CTNND2: variants seen among roughly 807,000 people sequenced by gnomAD.
CTNND2 encodes catenin delta-2.
CTNND2 carries 22 observed loss-of-function variants against 144.4 expected under a neutral mutation model. The observed-to-expected ratio is 0.15, with a 90% confidence interval of 0.11 to 0.22. CTNND2 has a LOEUF of 0.22. Ranked by LOEUF, CTNND2 falls within the 10% of genes least tolerant of loss-of-function variation. The pLI is 1.00. For synonymous variants in CTNND2, 751 were observed against 695.6 expected (o/e 1.08, Z -1.25); for missense variants, 1,353 against 1,618.8 (o/e 0.84, Z 2.82).
At chr5:11,876,959 A>G (rs994398076) in intron 1 of CTNND2, among the ~76,000 whole-genome samples, 3 of 152,136 alleles carry the variant, frequency 2.0e-5, no homozygotes, top group African/African-American at 7.2e-5. Context: ...TTGTAAGTAA[A>G]TATTATCTGC....
intron 12 of CTNND2, 134 bp downstream of exon 12, chr5:11,159,442 C>A: frequency 1.5e-6 from 1 of 665,170 alleles, no homozygotes; most frequent in East Asian, 2.9e-5. Context: ...ACTTCTTATA[C>A]TCCGTTGCCA....
At chr5:11,325,718 A>G (rs892775769) in intron 9 of CTNND2, among the ~76,000 whole-genome samples, 2 of 152,048 alleles carry the variant, frequency 1.3e-5, no homozygotes, top group African/African-American at 4.8e-5. Flanking sequence ...GCTAACCACC[A>G]TTAGGCTTTC....
At chr5:11,861,576 T>A (rs2127026520) in intron 1 of CTNND2, among the ~76,000 whole-genome samples, 1 of 152,346 alleles carries the variant, frequency 6.6e-6, no homozygotes, top group Non-Finnish European at 1.5e-5. Context: ...CATCTTTTGT[T>A]CAGGCCCTCT....
chr5:11,488,635 T>C (rs538315682), intron 3 of CTNND2, among the ~76,000 whole-genome samples: 3 of 152,310 alleles, frequency 2.0e-5, no homozygotes, highest in South Asian at 2.1e-4. Context: ...TATAGATTCA[T>C]GTAACTAGTA....
At chr5:11,677,722 C>T (rs1003862976) in intron 2 of CTNND2, among the ~76,000 whole-genome samples, 9 of 152,016 alleles carry the variant, frequency 5.9e-5, no homozygotes, top group Admixed American at 1.3e-4. Context: ...ATTCAAAAAC[C>T]GTGAAAGGGA....
intron 11 of CTNND2, among the ~76,000 whole-genome samples, chr5:11,177,377 T>C (rs1017890391): frequency 6.6e-6 from 1 of 152,188 alleles, no homozygotes; most frequent in South Asian, 2.1e-4. Context: ...ATCTACAACA[T>C]GGTGATACCT....
chr5:11,725,333 A>T (rs1343193604), intron 2 of CTNND2, among the ~76,000 whole-genome samples: 1 of 152,242 alleles, frequency 6.6e-6, no homozygotes, highest in Non-Finnish European at 1.5e-5. Context: ...AAAATAAGGT[A>T]TAGTTGTTCC....
intron 18 of CTNND2, among the ~76,000 whole-genome samples, chr5:10,997,260 AATGTATGTGTCCATTACTT>A (rs1213101264): frequency 6.6e-6 from 1 of 152,176 alleles, no homozygotes; most frequent in African/African-American, 2.4e-5. Flanking sequence ...ATATTTCAAC[AATGTATGTGTCCATTACTT>A]ATGTATGGGA....
At chr5:11,532,650 CTG>C (rs943751043) in intron 3 of CTNND2, among the ~76,000 whole-genome samples, 3 of 152,036 alleles carry the variant, frequency 2.0e-5, no homozygotes, top group Non-Finnish European at 2.9e-5. Context: ...AGTAAGAAAA[CTG>C]TGGAAAAAAT....
At chr5:11,276,468 T>C (rs1443838200) in intron 9 of CTNND2, among the ~76,000 whole-genome samples, 2 of 152,132 alleles carry the variant, frequency 1.3e-5, no homozygotes, top group Admixed American at 6.6e-5. Context: ...CATTGCTTGA[T>C]TTCTAAGTGA....
At chr5:11,036,984 C>T (rs937313178) in intron 16 of CTNND2, among the ~76,000 whole-genome samples, 20 of 152,074 alleles carry the variant, frequency 1.3e-4, no homozygotes, top group Non-Finnish European at 5.9e-5. Flanking sequence ...GATTATGCTT[C>T]AGCAGTGATG....
intron 2 of CTNND2, among the ~76,000 whole-genome samples, chr5:11,570,920 T>G (rs1184118385): frequency 6.6e-6 from 1 of 152,160 alleles, no homozygotes; most frequent in Non-Finnish European, 1.5e-5. Flanking sequence ...CTTCCTTTAG[T>G]CTTCTTCTCT....
At chr5:11,018,208 G>A (rs529406462) in intron 17 of CTNND2, 150 bp from the exon 18 acceptor site, 12 of 608,100 alleles carry the variant, frequency 2.0e-5, no homozygotes, top group Non-Finnish European at 3.0e-5. Flanking sequence ...TACTGTAATT[G>A]TTTTGGAGCA....
intron 2 of CTNND2, among the ~76,000 whole-genome samples, chr5:11,721,021 C>T (rs1473518927): frequency 6.6e-6 from 1 of 152,142 alleles, no homozygotes; most frequent in Non-Finnish European, 1.5e-5. Flanking sequence ...CACAAATATT[C>T]ACAGCAACAC....
intron 1 of CTNND2, among the ~76,000 whole-genome samples, chr5:11,786,335 C>T (rs529368265): frequency 6.6e-5 from 10 of 152,312 alleles, no homozygotes; most frequent in African/African-American, 2.2e-4. Flanking sequence ...CTTTCTGTTA[C>T]TCTATTAATT....
Position 10,988,343 on chromosome 5 carries a change from A to C in CTNND2, c.3212-101T>G. 130 of 1,418,550 alleles carry C rather than the reference A, an allele frequency of 9.2e-5. No individual in the cohort carries two copies. Among genetic ancestry groups the C allele is most frequent in the Non-Finnish European group, 1.2e-4 (122 of 1,027,312 alleles). 87.9% of individuals were successfully genotyped at this position (1,418,550 alleles called of 1,614,324 possible). On this transcript the variant is annotated intron_variant, in intron 19 of 21. Transcript: ENST00000304623. This position sits in a 1 kb window ranked among gnomAD's most constrained non-coding sequence, Gnocchi z 5.9. ...CTCACTATGCATGGTCCCGCATCTC[A>C]ATGCCTACGTGAGGACCTGATGGGT...
At chr5:11,825,273 G>A (rs192888750) in intron 1 of CTNND2, among the ~76,000 whole-genome samples, 94 of 152,086 alleles carry the variant, frequency 6.2e-4, no homozygotes, top group Non-Finnish European at 1.3e-3. Flanking sequence ...TATAAGTAAA[G>A]AATGAAACAC....
chr5:11,143,781 G>A lies in CTNND2; in HGVS notation c.2159+15795C>T, dbSNP rs1268339808. ...GGTGGGTGATGAAGCTCTGGCATTG[G>A]CTGAGATTTTTGCACTTGTTGGAGC... is the stretch of plus-strand genomic sequence containing the variant. On this transcript the variant is annotated intron_variant, in intron 12 of 21. Coordinates refer to ENST00000304623, the MANE Select transcript of CTNND2 (RefSeq NM_001332.4). 3.9e-5 allele frequency among the ~76,000 whole-genome samples: 6 copies of A among 152,360 alleles called. No individual in the cohort carries two copies. In the East Asian group the frequency reaches 1.2e-3, roughly 29 times the overall value.
chr5:11,390,316 T>C (rs1225328347), intron 6 of CTNND2, among the ~76,000 whole-genome samples: 1 of 152,192 alleles, frequency 6.6e-6, no homozygotes, highest in Non-Finnish European at 1.5e-5. Context: ...GCCAAGCACA[T>C]TTGCTTCCAG....
Sources: gnomAD v4.1 joint callset for allele counts (sites outside exome capture counted in the v4.1 genomes callset) on GRCh38, gnomAD v4.1.1 for gene constraint, Gnocchi (gnomAD v3.1) non-coding constraint, MANE v1.5 for transcripts, NCBI Gene and HGNC (gene_info 2026-07-23, HGNC 2026-07-21) for gene names.